F8: variants seen among roughly 807,000 people sequenced by gnomAD.
F8 encodes coagulation factor VIII.
Under a neutral mutation model 140.6 loss-of-function variants are expected in F8, and 12 were observed. The ratio of observed to expected loss-of-function variants is 0.09; its 90% CI spans 0.05 to 0.14. The LOEUF (loss-of-function observed/expected upper bound fraction) is 0.14. Among genes scored for constraint, F8 ranks in the 10% least tolerant of loss-of-function variants. F8 has a pLI of 1.00. For synonymous variants in F8, 585 were observed against 614.6 expected (o/e 0.95, Z 0.71); for missense variants, 1,354 against 1,720.7 (o/e 0.79, Z 3.77).
In F8 at chrX:154,930,429, A is replaced by C. The variant is rs781814842; in HGVS notation, c.3361T>G (p.Leu1121Val). The C allele has an allele frequency of 2.5e-6, 3 of 1,211,700 alleles. No homozygotes were observed. Among genetic ancestry groups the C allele is most frequent in the Non-Finnish European group, 1.1e-6 (1 of 895,368 alleles). ...TGTATCCACCTTGCTGATTCTGGCAAGAATAGCATCTTAAAGAACGACATA... is the reference window on the plus strand; with the variant it reads ...TGTATCCACCTTGCTGATTCTGGCACGAATAGCATCTTAAAGAACGACATA... Reference protein sequence around the residue: ...PDMSFFKMLFLPESARWIQRT... With the variant: ...PDMSFFKMLFVPESARWIQRT... The change falls in exon 14 of 26, where the codon TTG (leucine) becomes GTG (valine). Residue 1121 changes from leucine to valine, a missense_variant. Leu to Val is a conservative substitution (Grantham distance 32). This residue lies in a region of F8 where 658 missense variants were observed against 666.5 expected (regional missense o/e 0.99). Transcript: ENST00000360256.
intron 25 of F8, among the ~76,000 whole-genome samples, chrX:154,840,262 A>G (rs782288792): frequency 2.4e-4 from 27 of 112,401 alleles, no homozygotes; most frequent in Non-Finnish European, 3.8e-4. Context: ...AAGTACATTG[A>G]TGGTTGCAAA....
intron 1 of F8, among the ~76,000 whole-genome samples, chrX:155,021,167 T>C (rs782087436): frequency 4.5e-5 from 5 of 111,800 alleles, no homozygotes; most frequent in Admixed American, 1.9e-4. Context: ...GAGTGAGAAA[T>C]GTGTGTATAA....
rs868918038 is a variant in F8, at chrX:154,875,773, G to A, written c.6430-12546C>T. Among the ~76,000 whole-genome samples the A allele has an allele frequency of 4.4e-3, 436 of 98,057 alleles. 3 individuals are homozygous for A. The highest frequency in any genetic ancestry group is 0.017 in the African/African-American group (415 of 24,221). The allele number at this position is 98,057 out of a possible 115,157, so 85.2% of individuals were successfully genotyped here. On this transcript the variant is annotated intron_variant, in intron 22 of 25. Coordinates refer to ENST00000360256, the MANE Select transcript of F8 (RefSeq NM_000132.4). ...TGTGTGTGTGTGTGTGTGTGTGTGT[G>A]TAGAGAGAGAGAGAGTCTATAATGT...
chrX:154,979,024 T>C (rs2073502767), intron 6 of F8, among the ~76,000 whole-genome samples: 1 of 111,499 alleles, frequency 9.0e-6, no homozygotes, highest in Admixed American at 9.5e-5. Flanking sequence ...TGGCATATGA[T>C]TGCACTGGTT....
chrX:154,944,978 A>G (rs1039406320), intron 13 of F8, among the ~76,000 whole-genome samples: 8 of 109,899 alleles, frequency 7.3e-5, no homozygotes, highest in African/African-American at 2.7e-4. Context: ...ATGAGAACAC[A>G]TGGACACAGG....
intron 25 of F8, among the ~76,000 whole-genome samples, chrX:154,843,840 G>T (rs1457088822): frequency 2.7e-5 from 3 of 111,694 alleles, no homozygotes; most frequent in Non-Finnish European, 5.7e-5. Context: ...ATTGCTTTTG[G>T]TGTTTTAGAC....
chrX:154,842,782 T>C, intron 25 of F8, among the ~76,000 whole-genome samples: 1 of 112,299 alleles, frequency 8.9e-6, no homozygotes, highest in Non-Finnish European at 1.9e-5. Flanking sequence ...TTACAAAGAA[T>C]GTGTAATTTT....
intron 6 of F8, among the ~76,000 whole-genome samples, chrX:154,984,206 G>C (rs1225077499): frequency 1.8e-5 from 2 of 111,288 alleles, no homozygotes; most frequent in South Asian, 7.7e-4. Flanking sequence ...TCTGTGAGAG[G>C]GAGTAAAGCC....
intron 14 of F8, among the ~76,000 whole-genome samples, chrX:154,927,094 T>G (rs1312674759): frequency 3.6e-5 from 4 of 111,677 alleles, no homozygotes; most frequent in Non-Finnish European, 7.5e-5. Flanking sequence ...TCTCAAATAC[T>G]ACTGAGAATT....
At chrX:154,974,015 C>T in intron 6 of F8, among the ~76,000 whole-genome samples, 2 of 110,569 alleles carry the variant, frequency 1.8e-5, no homozygotes, top group Non-Finnish European at 3.8e-5. Flanking sequence ...GATGGGGTTT[C>T]ACCATATTGC....
At chrX:154,968,883 T>C (rs782679169) in intron 7 of F8, among the ~76,000 whole-genome samples, 1 of 110,306 alleles carries the variant, frequency 9.1e-6, no homozygotes, top group African/African-American at 3.3e-5. Flanking sequence ...ACTAATGATA[T>C]AGTGGAGCCC....
chrX:154,897,588 C>A (rs1167201571), intron 21 of F8: 5 of 112,258 alleles, frequency 4.5e-5, no homozygotes, highest in African/African-American at 1.6e-4. Flanking sequence ...GCAGCCCTGT[C>A]TTTTCCCAGA....
intron 7 of F8, 22 bp from the exon 8 acceptor site, chrX:154,966,709 A>G: frequency 1.7e-6 from 2 of 1,207,922 alleles, no homozygotes; most frequent in Non-Finnish European, 2.2e-6. Context: ...CAAACCAAAC[A>G]ATGTCAGAGT....
chrX:154,980,504 C>A (rs2073512257), intron 6 of F8, among the ~76,000 whole-genome samples: 1 of 112,305 alleles, frequency 8.9e-6, no homozygotes, highest in Admixed American at 9.4e-5. Context: ...GGATTAGTCA[C>A]TGGCACGATT....
rs782095064 is a variant in F8, at chrX:154,926,070, G to A, written c.5219+2501C>T. Among the ~76,000 whole-genome samples the A allele has an allele frequency of 3.6e-5, 4 of 111,954 alleles. No individual in the cohort carries two copies. In the East Asian group the frequency reaches 1.1e-3, roughly 31 times the overall value. On this transcript the variant is annotated intron_variant, in intron 14 of 25. Transcript: ENST00000360256. ...TCATGATAGTGAATAAGTCTCACAA[G>A]ATCTGATGGTTTTAAAAAGAGGAGT...
At chrX:154,966,167 G>T in intron 8 of F8, 26 bp from the exon 9 acceptor site, 7 of 1,192,230 alleles carry the variant, frequency 5.9e-6, no homozygotes, top group Non-Finnish European at 7.9e-6. Flanking sequence ...AAAGATGAGA[G>T]GTTGGGAAGA....
intron 14 of F8, among the ~76,000 whole-genome samples, chrX:154,925,197 C>A (rs999812725): frequency 8.9e-6 from 1 of 112,443 alleles, no homozygotes; most frequent in Admixed American, 9.4e-5. Flanking sequence ...AAACTGAATG[C>A]CCTTAATAGC....
At chrX:154,980,730 G>A (rs2073513834) in intron 6 of F8, among the ~76,000 whole-genome samples, 1 of 111,515 alleles carries the variant, frequency 9.0e-6, no homozygotes, top group Non-Finnish European at 1.9e-5. Flanking sequence ...GGCTGAGGCT[G>A]GAGGATTGCT....
At chrX:154,945,518 T>C (rs782679467) in intron 13 of F8, among the ~76,000 whole-genome samples, 2 of 112,271 alleles carry the variant, frequency 1.8e-5, no homozygotes, top group Non-Finnish European at 3.8e-5. Flanking sequence ...ATCATTTCAA[T>C]TGATGCCAAA....
Sources: allele counts gnomAD v4.1 joint callset (sites outside exome capture counted in the v4.1 genomes callset), GRCh38; gene constraint gnomAD v4.1.1; regional missense constraint gnomAD v4.1.1; transcripts MANE v1.5; gene names NCBI Gene and HGNC (gene_info 2026-07-23, HGNC 2026-07-21).